CALN1: variants seen among roughly 807,000 people sequenced by gnomAD.
The protein encoded by CALN1 is calneuron 1.
Under a neutral mutation model 30.6 loss-of-function variants are expected in CALN1, and 17 were observed. That is an observed-to-expected ratio of 0.56 (90% CI 0.38 to 0.83). CALN1 has a LOEUF of 0.83. Among genes scored for constraint, CALN1 ranks in the 40% least tolerant of loss-of-function variants. CALN1 has a pLI of 0.00. For missense variants in CALN1, 291 were observed against 354.9 expected, an observed-to-expected ratio of 0.82 and a Z score of 1.45; for synonymous variants, 156 against 131.4, an observed-to-expected ratio of 1.19 and a Z score of -1.28.
chr7:71,971,953 A>AAAAAAAAAAAAGAAAG (rs1797839188), intron 5 of CALN1, among the ~76,000 whole-genome samples: 4 of 72,832 alleles, frequency 5.5e-5, no homozygotes, highest in Admixed American at 2.1e-4. Context: ...AAAAAAAAAA[A>AAAAAAAAAAAAGAAAG]AAAGAAAGAA....
chr7:71,947,291 T>C (rs957241936), intron 5 of CALN1, among the ~76,000 whole-genome samples: 4 of 152,104 alleles, frequency 2.6e-5, no homozygotes, highest in African/African-American at 9.7e-5. Context: ...GATTACAGGC[T>C]TGAGCCACTG....
At chr7:71,918,362 A>G (rs1423149533) in intron 5 of CALN1, among the ~76,000 whole-genome samples, 3 of 152,224 alleles carry the variant, frequency 2.0e-5, no homozygotes, top group East Asian at 3.8e-4. Flanking sequence ...GGATTTCTCA[A>G]TAATGAGCTG....
rs1001712868 is a variant in CALN1, at chr7:72,057,159, C to G, written c.389-33390G>C. Among the ~76,000 whole-genome samples the G allele has an allele frequency of 2.6e-5, 4 of 152,074 alleles. No individual in the cohort carries two copies. The South Asian group carries it at 8.3e-4, about 32-fold the overall frequency. On this transcript the variant is annotated intron_variant, in intron 4 of 6. Coordinates refer to ENST00000395275, the MANE Select transcript of CALN1 (RefSeq NM_031468.4). ...ATGGGGTCTCACCATGTTGCCCAGACTAGTCTTGAACGCCCGGCCTGAAGT... is the reference window on the plus strand; with the variant it reads ...ATGGGGTCTCACCATGTTGCCCAGAGTAGTCTTGAACGCCCGGCCTGAAGT...
the CALN1 span, among the ~76,000 whole-genome samples, chr7:72,499,877 CTTTCTTTCTTTCTTTCTTTCTTT>C: frequency 1.6e-5 from 1 of 62,260 alleles, no homozygotes; most frequent in Non-Finnish European, 2.8e-5. Flanking sequence ...TTCTTTCTTT[CTTTCTTTCTTTCTTTCTTTCTTT>C]CTTTCTTTCT....
chr7:72,166,673 T>C (rs928518908), intron 3 of CALN1, among the ~76,000 whole-genome samples: 16 of 152,230 alleles, frequency 1.1e-4, no homozygotes, highest in African/African-American at 3.9e-4. Flanking sequence ...AAACGGATTA[T>C]GTAAATATAC....
chr7:71,829,480 A>G (rs73360101), intron 5 of CALN1, among the ~76,000 whole-genome samples: 5,696 of 152,334 alleles, frequency 0.037, 371 homozygotes, highest in African/African-American at 0.13. Context: ...ATAATTTGTT[A>G]TAAGAGCAAC....
At chr7:72,030,972 A>T (rs1259108516) in intron 4 of CALN1, among the ~76,000 whole-genome samples, 1 of 152,134 alleles carries the variant, frequency 6.6e-6, no homozygotes, top group East Asian at 1.9e-4. Flanking sequence ...GGCCTCAAGC[A>T]ATCTACCTGC....
chr7:72,234,073 A>G (rs566272671), intron 3 of CALN1, among the ~76,000 whole-genome samples: 4 of 152,308 alleles, frequency 2.6e-5, no homozygotes, highest in South Asian at 2.1e-4. Context: ...AAGAGGAAAC[A>G]TAACAATAGA....
intron 5 of CALN1, among the ~76,000 whole-genome samples, chr7:71,881,909 C>CAAA (rs112654398): frequency 3.0e-4 from 42 of 139,040 alleles, no homozygotes; most frequent in African/African-American, 1.0e-3. Context: ...CCTATATTTA[C>CAAA]AAAAAAAAAA....
At chr7:71,811,676 C>CTTTTTTT (rs59136685) in intron 5 of CALN1, among the ~76,000 whole-genome samples, 3 of 139,904 alleles carry the variant, frequency 2.1e-5, no homozygotes, top group African/African-American at 2.6e-5. Context: ...TTTCTTTTTT[C>CTTTTTTT]TTTTTTTTTT....
At chr7:71,838,396 A>G (rs1247598207) in intron 5 of CALN1, among the ~76,000 whole-genome samples, 1 of 152,186 alleles carries the variant, frequency 6.6e-6, no homozygotes, top group African/African-American at 2.4e-5. Flanking sequence ...CCAGATGAGC[A>G]TGTGACCCAA....
At chr7:71,849,753 C>T (rs1387444285) in intron 5 of CALN1, among the ~76,000 whole-genome samples, 1 of 152,092 alleles carries the variant, frequency 6.6e-6, no homozygotes, top group African/African-American at 2.4e-5. Flanking sequence ...AATGGATCCT[C>T]CCACTTCAGC....
intron 3 of CALN1, among the ~76,000 whole-genome samples, chr7:72,230,608 G>T (rs1010748948): frequency 9.2e-5 from 14 of 151,928 alleles, no homozygotes; most frequent in Non-Finnish European, 1.9e-4. Flanking sequence ...GGAGATATGA[G>T]CTAAGGAATG....
intron 4 of CALN1, among the ~76,000 whole-genome samples, chr7:72,067,737 C>T (rs1804121573): frequency 6.6e-6 from 1 of 152,226 alleles, no homozygotes; most frequent in Non-Finnish European, 1.5e-5. Flanking sequence ...CACCGAATGG[C>T]ATGCCTCTCT....
chr7:72,488,409 A>C, the CALN1 span, among the ~76,000 whole-genome samples: 1 of 152,146 alleles, frequency 6.6e-6, no homozygotes, highest in Non-Finnish European at 1.5e-5. Context: ...ATAAGTTTTA[A>C]AAAGGACTAA....
At chr7:72,072,791 AT>A (rs1479748185) in intron 4 of CALN1, among the ~76,000 whole-genome samples, 2 of 152,218 alleles carry the variant, frequency 1.3e-5, no homozygotes, top group East Asian at 1.9e-4. Context: ...ATAAAGCAGC[AT>A]TTTTTATATG....
At position 71,844,622 on chromosome 7, in the gene CALN1, A is replaced by T. The variant is rs77900011; in HGVS notation, c.502-34130T>A. On this transcript the variant is annotated intron_variant, in intron 5 of 6. Transcript: ENST00000395275. The stretch of plus-strand genomic sequence containing the variant: ...TAAAGCTTTTAAGATGATGGAAAGG[A>T]ATTAATATTAAATGGGTTGGACCAA... Among the ~76,000 whole-genome samples the T allele has an allele frequency of 9.8e-3, 1,496 of 152,288 alleles. 61 individuals are homozygous for T. The East Asian group carries it at 0.1, about 11-fold the overall frequency.
intron 3 of CALN1, among the ~76,000 whole-genome samples, chr7:72,182,873 T>C (rs1264214179): frequency 6.6e-6 from 1 of 151,912 alleles, no homozygotes; most frequent in Non-Finnish European, 1.5e-5. Context: ...GTGACAGGTT[T>C]TGTGTGGCCG....
At chr7:72,392,209 G>C (rs1436290453) in intron 2 of CALN1, among the ~76,000 whole-genome samples, 2 of 152,156 alleles carry the variant, frequency 1.3e-5, no homozygotes, top group Non-Finnish European at 2.9e-5. Context: ...TGACATGGAA[G>C]TGATCAAATA....
Sources: allele counts gnomAD v4.1 joint callset (sites outside exome capture counted in the v4.1 genomes callset), GRCh38; gene constraint gnomAD v4.1.1; transcripts MANE v1.5; gene names NCBI Gene and HGNC (gene_info 2026-07-23, HGNC 2026-07-21).